Variants in DIO1 observed in about 807,000 individuals in gnomAD.
DIO1 encodes the protein type I iodothyronine deiodinase.
In DIO1, 17 loss-of-function variants were observed where a neutral mutation model predicts 25.9. The observed-to-expected ratio is 0.66, with a 90% CI of 0.45 to 0.98. DIO1 has a LOEUF of 0.98. DIO1 is among the 50% of genes least tolerant of loss of function. The pLI is 0.00. For synonymous variants in DIO1, 115 were observed against 114.0 expected, an observed-to-expected ratio of 1.01 and a Z score of -0.05; for missense variants, 270 against 310.4, an observed-to-expected ratio of 0.87 and a Z score of 0.98.
Position 53,894,521 on chromosome 1 carries a change from G to C in DIO1, c.311G>C (p.Arg104Thr), listed in dbSNP as rs1407637147. The C allele has an allele frequency of 6.2e-7, 1 of 1,613,978 alleles. No homozygotes were observed. The change falls in exon 1 of 4, where the codon AGG becomes ACG. Residue 104 changes from arginine (R) to threonine (T), a missense_variant. Transcript: ENST00000361921. The surrounding 1 kb of genome is among the most constrained non-coding windows in gnomAD (Gnocchi z 4.9). ...NCPVVRLSGQ[R>T]CNIWEFMQGN... The stretch of plus-strand genomic sequence containing the variant: ...CCGGTGGTCCGCCTCTCAGGACAGA[G>C]GTGCAACATTTGGGAGTTTATGCAA...
intron 1 of DIO1, among the ~76,000 whole-genome samples, chr1:53,902,070 C>G (rs566317122): frequency 6.7e-6 from 1 of 149,742 alleles, no homozygotes; most frequent in South Asian, 2.1e-4. Context: ...TTGTTGCTCT[C>G]TATGCCGGGT....
At chr1:53,895,414 C>A (rs756718720) in intron 1 of DIO1, among the ~76,000 whole-genome samples, 1 of 147,168 alleles carries the variant, frequency 6.8e-6, no homozygotes, top group African/African-American at 2.6e-5. Context: ...CAGAGTGAGA[C>A]GCTGTCACAA....
intron 1 of DIO1, among the ~76,000 whole-genome samples, chr1:53,901,629 G>A (rs1295112743): frequency 6.6e-6 from 1 of 152,160 alleles, no homozygotes; most frequent in Non-Finnish European, 1.5e-5. Flanking sequence ...TGGCCCTTCT[G>A]TCTTCCAAAG....
chr1:53,910,247 A>G lies in DIO1; in HGVS notation c.*248A>G, dbSNP rs955048570. 2.0e-5 allele frequency: 10 copies of G among 493,810 alleles called. No homozygotes were observed. Among genetic ancestry groups the G allele is most frequent in the African/African-American group, 1.2e-4 (6 of 51,610 alleles). 30.6% of individuals were successfully genotyped at this position (493,810 alleles called of 1,614,324 possible). ...TTCAGGCCAGTTCCCTGTTGAAGAA[A>G]CAGTTCCCTGTTGAAGAAAGTAGAG... On this transcript the variant is annotated 3_prime_UTR_variant, in exon 4 of 4. Coordinates refer to ENST00000361921, the MANE Select transcript of DIO1 (RefSeq NM_000792.7).
chr1:53,899,843 T>A (rs1451742723), intron 1 of DIO1, among the ~76,000 whole-genome samples: 1 of 152,098 alleles, frequency 6.6e-6, no homozygotes, highest in African/African-American at 2.4e-5. Context: ...CTGGATAATT[T>A]TTTTTTAAGA....
chr1:53,906,142 C>T lies in DIO1; in HGVS notation c.529C>T (p.Leu177Phe), dbSNP rs774804349. 1.9e-6 allele frequency: 3 copies of T among 1,614,118 alleles called. No individual in the cohort carries two copies. The highest frequency in any genetic ancestry group is 1.1e-5 in the South Asian group (1 of 91,084). Residue 177 changes from leucine (L) to phenylalanine (F), a missense_variant, in exon 3 of 4, where the codon CTT becomes TTT. By Grantham distance (22) the Leu-to-Phe change is conservative. Transcript: ENST00000361921. ...NNMDIRNHQNLQDRLQAAHLL... is the reference protein window; with the variant it reads ...NNMDIRNHQNFQDRLQAAHLL... ...CATGGACATCAGAAATCACCAGAACCTTCAGGATCGCCTGCAGGCAGCCCA... is the reference window on the plus strand; with the variant it reads ...CATGGACATCAGAAATCACCAGAACTTTCAGGATCGCCTGCAGGCAGCCCA...
intron 1 of DIO1, among the ~76,000 whole-genome samples, chr1:53,901,476 C>T (rs772363025): frequency 6.6e-6 from 1 of 152,090 alleles, no homozygotes; most frequent in Non-Finnish European, 1.5e-5. Context: ...CATCACCATC[C>T]CTTACAGGAG....
intron 1 of DIO1, among the ~76,000 whole-genome samples, chr1:53,899,547 ATAAT>A (rs937429173): frequency 3.9e-5 from 6 of 152,226 alleles, no homozygotes; most frequent in African/African-American, 1.4e-4. Context: ...CACACTATAA[ATAAT>A]TAAACAAATG....
chr1:53,908,301 G>C (rs1049798927), intron 3 of DIO1, among the ~76,000 whole-genome samples: 1 of 152,204 alleles, frequency 6.6e-6, no homozygotes, highest in African/African-American at 2.4e-5. Context: ...GAAGACCCAA[G>C]TAAGACTATT....
Position 53,910,104 on chromosome 1 carries a change from G to T in DIO1, c.*105G>T. 1.1e-6 allele frequency: 1 copy of T among 946,900 alleles called. No individual in the cohort carries two copies. The highest frequency in any genetic ancestry group is 1.7e-6 in the Non-Finnish European group (1 of 583,864). The allele number at this position is 946,900 out of a possible 1,614,324, so 58.7% of individuals were successfully genotyped here. A position where few individuals can be genotyped will look rare whatever the true frequency, so the allele number is the denominator to read the frequency against. Reference sequence around the variant, plus strand: ...TTACCCTTGACCTGTGTCCCTAGCTGAATCACTAGCTCAGATTTTTCTGAT... The same window carrying T: ...TTACCCTTGACCTGTGTCCCTAGCTTAATCACTAGCTCAGATTTTTCTGAT... On this transcript the variant is annotated 3_prime_UTR_variant, in exon 4 of 4. Transcript: ENST00000361921.
At chr1:53,903,238 G>A (rs1341734806) in intron 1 of DIO1, 6 of 152,004 alleles carry the variant, frequency 3.9e-5, no homozygotes, top group Non-Finnish European at 8.8e-5. Context: ...GGTGGGGGAA[G>A]CCTCTTGCCC....
intron 1 of DIO1, among the ~76,000 whole-genome samples, chr1:53,900,100 A>G (rs1466754745): frequency 6.6e-6 from 1 of 152,234 alleles, no homozygotes; most frequent in Non-Finnish European, 1.5e-5. Flanking sequence ...AAGGACAAGG[A>G]GAGGGGCTTC....
chr1:53,906,402 G>A, intron 3 of DIO1, 108 bp downstream of exon 3: 1 of 953,686 alleles, frequency 1.0e-6, no homozygotes, highest in Non-Finnish European at 1.6e-6. Flanking sequence ...TCACCACCCA[G>A]CCACTTACCA....
rs767677380 is a variant in DIO1, at chr1:53,894,346, G to A, written c.136G>A (p.Glu46Lys). Residue 46 changes from glutamate to lysine, a missense_variant, in exon 1 of 4, where the codon GAG becomes AAG. By Grantham distance (56) the Glu-to-Lys change is moderately conservative. Coordinates refer to ENST00000361921, the MANE Select transcript of DIO1 (RefSeq NM_000792.7). This position sits in a 1 kb window ranked among gnomAD's most constrained non-coding sequence, Gnocchi z 4.9. ...CAAGCGGAACATCCTGGCCATGGGC[G>A]AGAAGACGGGTATGACCAGGAACCC... Reference protein sequence around the residue: ...RVKRNILAMGEKTGMTRNPHF... With the variant: ...RVKRNILAMGKKTGMTRNPHF... 27 of 1,614,094 alleles carry A rather than the reference G, an allele frequency of 1.7e-5. No individual in the cohort carries two copies. The highest frequency in any genetic ancestry group is 8.8e-5 in the South Asian group (8 of 91,090).
chr1:53,903,145 G>A (rs1328146287), intron 1 of DIO1: 1 of 152,020 alleles, frequency 6.6e-6, no homozygotes, highest in African/African-American at 2.4e-5. Flanking sequence ...GTGGGGGTCA[G>A]GTGTCACGTC....
chr1:53,906,237 C>T lies in DIO1; in HGVS notation c.624C>T (p.Leu208=). 1 of 1,614,154 alleles carries T rather than the reference C, an allele frequency of 6.2e-7. No individual in the cohort carries two copies. Among genetic ancestry groups the T allele is most frequent in the Non-Finnish European group, 8.5e-7 (1 of 1,180,012 alleles). Reference sequence around the variant, plus strand: ...CCATGCAGAACCAGAGCAGCCAGCTCTACGCAGCACTGCCTGAGAGGCTCT... The same window carrying T: ...CCATGCAGAACCAGAGCAGCCAGCTTTACGCAGCACTGCCTGAGAGGCTCT... ...VDTMQNQSSQ[L]YAALPERLYI... Residue 208 remains leucine, a synonymous_variant, in exon 3 of 4, where the codon CTC becomes CTT. Coordinates refer to ENST00000361921, the MANE Select transcript of DIO1 (RefSeq NM_000792.7).
intron 1 of DIO1, among the ~76,000 whole-genome samples, chr1:53,902,800 T>C (rs1350416287): frequency 6.6e-6 from 1 of 151,918 alleles, no homozygotes; most frequent in Non-Finnish European, 1.5e-5. Context: ...AAGGGCCTTG[T>C]CCTTGGGATT....
Position 53,910,027 on chromosome 1 carries a change from A to G in DIO1, c.*28A>G. 6.2e-7 allele frequency: 1 copy of G among 1,606,208 alleles called. No individual in the cohort carries two copies. Among genetic ancestry groups the G allele is most frequent in the African/African-American group, 1.3e-5 (1 of 74,858 alleles). On this transcript the variant is annotated 3_prime_UTR_variant, in exon 4 of 4. Transcript: ENST00000361921. ...TGGACAGATACCTCAATTCTAGGTG[A>G]CCAACGGGAGGGCTTCTCAAGGCTT...
At chr1:53,903,719 T>C (rs993996162) in intron 1 of DIO1, among the ~76,000 whole-genome samples, 1 of 151,690 alleles carries the variant, frequency 6.6e-6, no homozygotes, top group Non-Finnish European at 1.5e-5. Flanking sequence ...TGTGGTGGTG[T>C]GCACCTGGAG....
Sources: gnomAD v4.1 joint callset for allele counts (sites outside exome capture counted in the v4.1 genomes callset) on GRCh38, gnomAD v4.1.1 for gene constraint, Gnocchi (gnomAD v3.1) non-coding constraint, MANE v1.5 for transcripts, NCBI Gene and HGNC (gene_info 2026-07-23, HGNC 2026-07-21) for gene names.